The following TAMALIN variants were observed in gnomAD, a reference collection of about 807,000 sequenced individuals.
TAMALIN encodes protein TAMALIN.
In TAMALIN, 9 loss-of-function variants were observed where a neutral mutation model predicts 38.5. The ratio of observed to expected loss-of-function variants is 0.23; its 90% CI spans 0.14 to 0.41. The LOEUF (loss-of-function observed/expected upper bound fraction) is 0.41, where lower values mean the gene tolerates loss of function less well. Ranked by LOEUF, TAMALIN falls within the 10% of genes least tolerant of loss-of-function variation. The pLI is 1.00. For synonymous variants in TAMALIN, 306 were observed against 256.5 expected (o/e 1.19, Z -1.85); for missense variants, 548 against 554.1 (o/e 0.99, Z 0.11).
Position 52,011,295 on chromosome 12 carries a change from A to G in TAMALIN, c.454+154A>G. On this transcript the variant is annotated intron_variant, in intron 4 of 7. Transcript: ENST00000293662. The surrounding 1 kb of genome is among the most constrained non-coding windows in gnomAD (Gnocchi z 5.3). ...AGAATGGATAGAATCTGGGCTTTGG[A>G]TCTAGGCAAATTTGCCATGTACTGT... 7.2e-7 allele frequency: 1 copy of G among 1,379,964 alleles called. No homozygotes were observed. The highest frequency in any genetic ancestry group is 9.9e-7 in the Non-Finnish European group (1 of 1,006,716). 85.5% of individuals were successfully genotyped at this position (1,379,964 alleles called of 1,614,324 possible).
At position 52,013,898 on chromosome 12, in the gene TAMALIN, A is replaced by C. The variant is rs1565631966; in HGVS notation, c.570A>C (p.Thr190=). The change falls in exon 6 of 8, where the codon ACA becomes ACC. Residue 190 remains threonine (T), a synonymous_variant. Coordinates refer to ENST00000293662, the MANE Select transcript of TAMALIN (RefSeq NM_181711.4). ...NVLRLETLYG[T]SIRKAELEAR... ...TCAGACTGGAAACTCTATATGGGAC[A>C]TCAATTCGGAAGGCAGAACTGGAGG... 2.5e-6 allele frequency: 4 copies of C among 1,614,156 alleles called. No homozygotes were observed. Among genetic ancestry groups the C allele is most frequent in the Non-Finnish European group, 3.4e-6 (4 of 1,180,022 alleles).
At chr12:52,008,822 G>A (rs1390638966) in intron 1 of TAMALIN, 1 of 933,234 alleles carries the variant, frequency 1.1e-6, no homozygotes, top group South Asian at 4.9e-5. Context: ...CCTCAGCTTT[G>A]GGAGTCTGGA....
At chr12:52,012,894 AT>A (rs374993254) in intron 4 of TAMALIN, among the ~76,000 whole-genome samples, 23 of 152,214 alleles carry the variant, frequency 1.5e-4, no homozygotes, top group African/African-American at 5.5e-4. Flanking sequence ...GGCTGGACTG[AT>A]TATCTGTGGA....
rs78029394 is a variant in TAMALIN, at chr12:52,012,453, C to T, written c.455-1234C>T. The stretch of plus-strand genomic sequence containing the variant: ...ATTTTTAGTAGAGATGGGGTTTTGC[C>T]TTGTTGGCCAGGCTGGTCTCGAACT... On this transcript the variant is annotated intron_variant, in intron 4 of 7. Transcript: ENST00000293662. 4.5e-4 allele frequency among the ~76,000 whole-genome samples: 68 copies of T among 152,304 alleles called. 1 individual carries two copies. The East Asian group carries it at 9.7e-3, about 22-fold the overall frequency.
Position 52,009,203 on chromosome 12 carries a change from G to A in TAMALIN, c.260G>A (p.Arg87His), listed in dbSNP as rs766258011. ...TLPRRKGSGF[R>H]WKNLSQSPEQ... is the part of the protein sequence containing the mutation. ...CTTACTGCCCAGGGCTCAGGATTCC[G>A]CTGGAAGAATCTCAGCCAGAGTCCT... The change falls in exon 2 of 8, where the codon CGC becomes CAC. Residue 87 changes from arginine to histidine, a missense_variant. By Grantham distance (29) the Arg-to-His change is conservative. Transcript: ENST00000293662. 115 of 1,613,916 alleles carry A rather than the reference G, an allele frequency of 7.1e-5. No homozygotes were observed. The highest frequency in any genetic ancestry group is 1.6e-4 in the Middle Eastern group (1 of 6,082).
chr12:52,008,246 G>A (rs896254671), intron 1 of TAMALIN: 3 of 985,338 alleles, frequency 3.0e-6, no homozygotes, highest in Non-Finnish European at 3.6e-6. Context: ...GGTTAGCAAA[G>A]GCACAGAACA....
intron 2 of TAMALIN, chr12:52,010,455 T>C: frequency 2.0e-6 from 2 of 999,676 alleles, no homozygotes; most frequent in Non-Finnish European, 2.4e-6. Context: ...AGCTGTGGTC[T>C]TGCTGAGCCT....
chr12:52,009,265 C>G (rs1942461748), intron 2 of TAMALIN, 26 bp downstream of exon 2: 2 of 1,611,466 alleles, frequency 1.2e-6, no homozygotes, highest in African/African-American at 2.7e-5. Flanking sequence ...CCAGCCCCTG[C>G]CATGGTCCAA....
At position 52,009,727 on chromosome 12, in the gene TAMALIN, C is replaced by A. The variant is rs1592271630; in HGVS notation, c.296+488C>A. Among the ~76,000 whole-genome samples, 5 of 152,306 alleles carry A rather than the reference C, an allele frequency of 3.3e-5. No homozygotes were observed. The East Asian group carries it at 7.7e-4, about 24-fold the overall frequency. ...GCAGCCCTCTTAGGAGGGATCTGAG[C>A]GTGGGCAGAAGTAGGTGCTGACTCC... On this transcript the variant is annotated intron_variant, in intron 2 of 7. Coordinates refer to ENST00000293662, the MANE Select transcript of TAMALIN (RefSeq NM_181711.4).
chr12:52,014,587 G>C, intron 7 of TAMALIN, 107 bp from the exon 8 acceptor site: 1 of 829,156 alleles, frequency 1.2e-6, no homozygotes. Context: ...CCACAGAGAT[G>C]GTCAGCAGGA....
In TAMALIN at chr12:52,007,156, C is replaced by T; in HGVS notation, c.137C>T (p.Ala46Val). The change falls in exon 1 of 8, where the codon GCC becomes GTC. Residue 46 changes from alanine to valine, a missense_variant. Ala to Val is a moderately conservative substitution (Grantham distance 64). Transcript: ENST00000293662. The surrounding 1 kb of genome is among the most constrained non-coding windows in gnomAD (Gnocchi z 6.7). ...ACCCCGGGACCCCCTGCCGCAGCCG[C>T]CACCCCTGGGCCCCCAGCGGACGAG... Reference protein sequence around the residue: ...VPTPGPPAAAATPGPPADELY... With the variant: ...VPTPGPPAAAVTPGPPADELY... 1.3e-6 allele frequency: 2 copies of T among 1,495,772 alleles called. No homozygotes were observed. The highest frequency in any genetic ancestry group is 2.0e-4 in the Middle Eastern group (1 of 5,050). 92.7% of individuals were successfully genotyped at this position (1,495,772 alleles called of 1,614,324 possible). A position where few individuals can be genotyped will look rare whatever the true frequency, so the allele number is the denominator to read the frequency against.
Position 52,007,612 on chromosome 12 carries a change from C to G in TAMALIN, c.246+347C>G. 1.0e-6 allele frequency: 1 copy of G among 985,354 alleles called. No homozygotes were observed. Among genetic ancestry groups the G allele is most frequent in the African/African-American group, 1.7e-5 (1 of 57,338 alleles). 61.0% of individuals were successfully genotyped at this position (985,354 alleles called of 1,614,324 possible). ...AGGTGTCCTGGGTCCCCAGGAGCCCCTCGCCCGAGGGACAGAGACAGCCCC... is the reference window on the plus strand; with the variant it reads ...AGGTGTCCTGGGTCCCCAGGAGCCCGTCGCCCGAGGGACAGAGACAGCCCC... On this transcript the variant is annotated intron_variant, in intron 1 of 7. Transcript: ENST00000293662. This position sits in a 1 kb window ranked among gnomAD's most constrained non-coding sequence, Gnocchi z 6.7.
rs368529511 is a variant in TAMALIN at position 52,007,644 on chromosome 12, G to C, written c.246+379G>C. The C allele has an allele frequency of 1.0e-6, 1 of 985,438 alleles. No individual in the cohort carries two copies. Among genetic ancestry groups the C allele is most frequent in the Middle Eastern group, 5.2e-4 (1 of 1,914 alleles). The allele number at this position is 985,438 out of a possible 1,614,324, so 61.0% of individuals were successfully genotyped here. A position where few individuals can be genotyped will look rare whatever the true frequency, so the allele number is the denominator to read the frequency against. The stretch of plus-strand genomic sequence containing the variant: ...GAGGGACAGAGACAGCCCCAGGCAA[G>C]TTGAAGGTCCGAGAGCCCCCGGTGG... On this transcript the variant is annotated intron_variant, in intron 1 of 7. Coordinates refer to ENST00000293662, the MANE Select transcript of TAMALIN (RefSeq NM_181711.4). This position sits in a 1 kb window ranked among gnomAD's most constrained non-coding sequence, Gnocchi z 6.7.
intron 1 of TAMALIN, chr12:52,008,564 G>A: frequency 1.0e-6 from 1 of 985,380 alleles, no homozygotes; most frequent in Non-Finnish European, 1.2e-6. Context: ...CTGGTCACCT[G>A]CAGCTGGGAT....
chr12:52,009,455 C>T (rs543293880), intron 2 of TAMALIN, among the ~76,000 whole-genome samples: 1 of 152,288 alleles, frequency 6.6e-6, no homozygotes, highest in South Asian at 2.1e-4. Flanking sequence ...AGGTGCTCTT[C>T]AACACACCCC....
At chr12:52,012,753 T>C (rs1937680519) in intron 4 of TAMALIN, among the ~76,000 whole-genome samples, 1 of 152,224 alleles carries the variant, frequency 6.6e-6, no homozygotes, top group South Asian at 2.1e-4. Context: ...ATACCCCTTT[T>C]TACAGATAGG....
At position 52,014,710 on chromosome 12, in the gene TAMALIN, C is replaced by A. The variant is rs1220635452; in HGVS notation, c.699C>A (p.Asp233Glu). 12 of 1,510,202 alleles carry A rather than the reference C, an allele frequency of 7.9e-6. No individual in the cohort carries two copies. The highest frequency in any genetic ancestry group is 9.6e-6 in the Non-Finnish European group (11 of 1,143,486). The allele number at this position is 1,510,202 out of a possible 1,614,324, so 93.6% of individuals were successfully genotyped here. Residue 233 changes from aspartate to glutamate, a missense_variant, in exon 8 of 8, where the codon GAC becomes GAA. By Grantham distance (45) the Asp-to-Glu change is conservative. Around this residue, in one of 3 missense-constraint regions of TAMALIN, gnomAD observed 415 missense variants for 417.0 expected, o/e 1.00. Coordinates refer to ENST00000293662, the MANE Select transcript of TAMALIN (RefSeq NM_181711.4). ...TCTGCGCAGGCCTGGTGGTGAAGGA[C>A]CCCAGCATCTACGACACGCTGGAGT... ...QRLVHGLVVK[D>E]PSIYDTLESV...
rs1310177714 is a variant in TAMALIN, at chr12:52,014,875, C to G, written c.864C>G (p.Cys288Trp). ...GDADDAVYHT[C>W]FFGDSEPPAL... ...CCGACGACGCCGTCTACCACACGTG[C>G]TTCTTCGGGGACTCCGAGCCGCCGG... is the stretch of plus-strand genomic sequence containing the variant. The change falls in exon 8 of 8, where the codon TGC becomes TGG. Residue 288 changes from cysteine (C) to tryptophan (W), a missense_variant. Coordinates refer to ENST00000293662, the MANE Select transcript of TAMALIN (RefSeq NM_181711.4). 6 of 1,266,336 alleles carry G rather than the reference C, an allele frequency of 4.7e-6. No individual in the cohort carries two copies. The highest frequency in any genetic ancestry group is 5.0e-6 in the Non-Finnish European group (5 of 999,978). 78.4% of individuals were successfully genotyped at this position (1,266,336 alleles called of 1,614,324 possible). A position where few individuals can be genotyped will look rare whatever the true frequency, so the allele number is the denominator to read the frequency against.
At position 52,015,112 on chromosome 12, in the gene TAMALIN, A is replaced by G. The variant is rs756911395; in HGVS notation, c.1101A>G (p.Lys367=). ...CCCTATGCGGCCCCGGCCTGCGCAA[A>G]ACCAAGTACCGCAGCTTCCGCCGGC... The part of the protein sequence containing the change: ...EQALCGPGLR[K]TKYRSFRRRL... Residue 367 remains lysine (K), a synonymous_variant, in exon 8 of 8, where the codon AAA becomes AAG. Transcript: ENST00000293662. 7 of 1,581,800 alleles carry G rather than the reference A, an allele frequency of 4.4e-6. No individual in the cohort carries two copies. In the East Asian group the frequency reaches 1.6e-4, roughly 36 times the overall value.
Sources: allele counts gnomAD v4.1 joint callset (sites outside exome capture counted in the v4.1 genomes callset), GRCh38; gene constraint gnomAD v4.1.1; regional missense constraint gnomAD v4.1.1; non-coding constraint Gnocchi (gnomAD v3.1); transcripts MANE v1.5; gene names NCBI Gene and HGNC (gene_info 2026-07-23, HGNC 2026-07-21).